The following NAALADL2 variants were observed in gnomAD, a reference collection of about 807,000 sequenced individuals.
NAALADL2 encodes the protein inactive N-acetylated-alpha-linked acidic dipeptidase-like protein 2.
Under a neutral mutation model 87.2 loss-of-function variants are expected in NAALADL2, and 76 were observed. That is an observed-to-expected ratio of 0.87 (90% CI 0.72 to 1.05). The LOEUF (loss-of-function observed/expected upper bound fraction) is 1.05, where lower values mean the gene tolerates loss of function less well. Ranked by LOEUF, NAALADL2 falls within the 50% of genes least tolerant of loss-of-function variation. The pLI is 0.00. For missense variants in NAALADL2, 1,089 were observed against 945.8 expected, an observed-to-expected ratio of 1.15 and a Z score of -1.99; for synonymous variants, 354 against 331.0, an observed-to-expected ratio of 1.07 and a Z score of -0.75.
intron 1 of NAALADL2, among the ~76,000 whole-genome samples, chr3:175,014,553 T>A (rs1750570794): frequency 6.6e-6 from 1 of 152,176 alleles, no homozygotes. Context: ...GAATAATTGA[T>A]GCAAACCATT....
At chr3:174,853,967 A>G (rs1484124301) in intron 3 of NAALADL2, among the ~76,000 whole-genome samples, 1 of 152,178 alleles carries the variant, frequency 6.6e-6, no homozygotes, top group African/African-American at 2.4e-5. Flanking sequence ...GGAAAACAGT[A>G]TGGAAGTTCC....
At chr3:175,114,134 GC>G (rs1433956179) in intron 2 of NAALADL2, among the ~76,000 whole-genome samples, 1 of 151,638 alleles carries the variant, frequency 6.6e-6, no homozygotes, top group Non-Finnish European at 1.5e-5. Flanking sequence ...AGAGCTGAAA[GC>G]CTTAGTGAAG....
In NAALADL2 at chr3:175,761,314, A is replaced by G. The variant is rs138526754; in HGVS notation, c.2189+5896A>G. Among the ~76,000 whole-genome samples, 26 of 152,304 alleles carry G rather than the reference A, an allele frequency of 1.7e-4. No individual in the cohort carries two copies. The East Asian group carries it at 5.0e-3, about 29-fold the overall frequency. On this transcript the variant is annotated intron_variant, in intron 13 of 13. Transcript: ENST00000454872. ...ACCTATTTGGAATAGTACAGTATGC[A>G]ACCTTGTTGGATTGACTTCTTTCAT...
intron 4 of NAALADL2, among the ~76,000 whole-genome samples, chr3:175,312,905 T>C (rs2110318482): frequency 6.6e-6 from 1 of 152,330 alleles, no homozygotes; most frequent in South Asian, 2.1e-4. Flanking sequence ...TAAGTCTTTG[T>C]ATAGTTTGGC....
At chr3:174,765,562 T>C (rs1266473306) in intron 3 of NAALADL2, among the ~76,000 whole-genome samples, 1 of 152,162 alleles carries the variant, frequency 6.6e-6, no homozygotes, top group African/African-American at 2.4e-5. Flanking sequence ...TATATATGAA[T>C]ACCAGTCATA....
chr3:175,426,140 G>T lies in NAALADL2; in HGVS notation c.1091-21089G>T, dbSNP rs868279248. On this transcript the variant is annotated intron_variant, in intron 5 of 13. Coordinates refer to ENST00000454872, the MANE Select transcript of NAALADL2 (RefSeq NM_207015.3). Reference sequence around the variant, plus strand: ...GCACTTTGGGAGGCCAAGGCGGGCGGATCACTTAAGGTCAAGAGTTCGAGA... The same window carrying T: ...GCACTTTGGGAGGCCAAGGCGGGCGTATCACTTAAGGTCAAGAGTTCGAGA... Among the ~76,000 whole-genome samples the T allele has an allele frequency of 1.9e-3, 294 of 152,242 alleles. 1 individual carries two copies. Among genetic ancestry groups the T allele is most frequent in the African/African-American group, 6.5e-3 (269 of 41,562 alleles).
chr3:175,357,314 T>A (rs1362922293), intron 5 of NAALADL2, among the ~76,000 whole-genome samples: 3 of 152,140 alleles, frequency 2.0e-5, no homozygotes, highest in African/African-American at 7.2e-5. Context: ...CTTAAGTTGG[T>A]TACATGTATC....
rs549687672 is a variant in NAALADL2, at chr3:174,946,688, A to T, written c.43+87238A>T. Among the ~76,000 whole-genome samples the T allele has an allele frequency of 4.6e-5, 7 of 152,240 alleles. No individual in the cohort carries two copies. The South Asian group carries it at 1.5e-3, about 32-fold the overall frequency. Reference sequence around the variant, plus strand: ...GATGGAAGTGTATTATGAAGAAAGGAGGGAGGAAAAGAGAAAGGGAGGGAA... The same window carrying T: ...GATGGAAGTGTATTATGAAGAAAGGTGGGAGGAAAAGAGAAAGGGAGGGAA... On this transcript the variant is annotated intron_variant, in intron 1 of 13. Coordinates refer to ENST00000454872, the MANE Select transcript of NAALADL2 (RefSeq NM_207015.3).
intron 2 of NAALADL2, among the ~76,000 whole-genome samples, chr3:175,129,253 C>T (rs1018578699): frequency 5.3e-5 from 8 of 151,988 alleles, no homozygotes; most frequent in Non-Finnish European, 1.0e-4. Flanking sequence ...CCACCAAAGT[C>T]GAATTAACAC....
intron 2 of NAALADL2, among the ~76,000 whole-genome samples, chr3:175,153,429 G>T (rs866642514): frequency 5.9e-5 from 9 of 152,146 alleles, no homozygotes; most frequent in Admixed American, 2.6e-4. Context: ...TCAGTTGGAG[G>T]TTGCCCTGTG....
chr3:175,631,285 G>A (rs1290080512), intron 11 of NAALADL2, among the ~76,000 whole-genome samples: 19 of 151,658 alleles, frequency 1.3e-4, no homozygotes, highest in Admixed American at 1.2e-3. Context: ...GGGTAGAAGT[G>A]CAATTTTGTT....
chr3:174,674,554 G>C (rs1231056656), intron 2 of NAALADL2, among the ~76,000 whole-genome samples: 4 of 151,682 alleles, frequency 2.6e-5, no homozygotes, highest in African/African-American at 9.7e-5. Context: ...GTTTGAAAAG[G>C]GTTTTACACA....
chr3:174,826,923 G>C (rs541207782), intron 3 of NAALADL2, among the ~76,000 whole-genome samples: 8 of 152,134 alleles, frequency 5.3e-5, no homozygotes, highest in African/African-American at 1.9e-4. Context: ...AATAACAAAA[G>C]CAATTCCAGC....
At chr3:175,522,637 T>C (rs1019182563) in intron 9 of NAALADL2, among the ~76,000 whole-genome samples, 1 of 152,218 alleles carries the variant, frequency 6.6e-6, no homozygotes, top group Non-Finnish European at 1.5e-5. Context: ...CAAATCTAAC[T>C]ACAACAGCCT....
At chr3:174,741,115 T>C (rs937443612) in intron 3 of NAALADL2, among the ~76,000 whole-genome samples, 14 of 151,792 alleles carry the variant, frequency 9.2e-5, no homozygotes, top group African/African-American at 3.4e-4. Context: ...TGTACATTTC[T>C]GAACCAATGG....
At chr3:175,040,223 C>T (rs1753906286) in intron 1 of NAALADL2, among the ~76,000 whole-genome samples, 1 of 152,148 alleles carries the variant, frequency 6.6e-6, no homozygotes, top group South Asian at 2.1e-4. Context: ...AAACTGGTGT[C>T]ACTGTCCATC....
At chr3:175,408,032 A>C (rs1712728519) in intron 5 of NAALADL2, among the ~76,000 whole-genome samples, 1 of 152,320 alleles carries the variant, frequency 6.6e-6, no homozygotes, top group Admixed American at 6.5e-5. Flanking sequence ...TTTTCTCACA[A>C]AGACGAATAC....
At chr3:175,465,696 C>T (rs1723906850) in intron 7 of NAALADL2, among the ~76,000 whole-genome samples, 2 of 152,100 alleles carry the variant, frequency 1.3e-5, no homozygotes, top group Admixed American at 1.3e-4. Flanking sequence ...TGGTCTTGAA[C>T]TCCTGACCTC....
chr3:175,512,560 T>G (rs1731306771), intron 9 of NAALADL2, among the ~76,000 whole-genome samples: 1 of 152,168 alleles, frequency 6.6e-6, no homozygotes, highest in African/African-American at 2.4e-5. Context: ...AAATGAAAAC[T>G]TCAGGTGATA....
Sources: gnomAD v4.1 joint callset for allele counts (sites outside exome capture counted in the v4.1 genomes callset) on GRCh38, gnomAD v4.1.1 for gene constraint, MANE v1.5 for transcripts, NCBI Gene and HGNC (gene_info 2026-07-23, HGNC 2026-07-21) for gene names.